Variants in TPH1 observed in about 807,000 individuals in gnomAD.
TPH1 encodes the protein tryptophan hydroxylase 1, also known as tryptophan 5-hydroxylase 1.
Under a neutral mutation model 49.5 loss-of-function variants are expected in TPH1, and 37 were observed. The observed-to-expected ratio is 0.75, with a 90% CI of 0.58 to 0.98. The LOEUF (loss-of-function observed/expected upper bound fraction) is 0.98. Among genes scored for constraint, TPH1 ranks in the 50% least tolerant of loss-of-function variants. The pLI is 0.00. For synonymous variants in TPH1, 160 were observed against 182.1 expected (o/e 0.88, Z 0.98); for missense variants, 487 against 523.6 (o/e 0.93, Z 0.68).
rs1239344304 is a variant in TPH1, at chr11:18,017,801, A to C, written c.*3190T>G. 6.6e-6 allele frequency: 1 copy of C among 152,232 alleles called. No individual in the cohort carries two copies. Among genetic ancestry groups the C allele is most frequent in the African/African-American group, 2.4e-5 (1 of 41,464 alleles). 9.4% of individuals were successfully genotyped at this position (152,232 alleles called of 1,614,324 possible). On this transcript the variant is annotated 3_prime_UTR_variant, in exon 11 of 11. Coordinates refer to ENST00000682019, the MANE Select transcript of TPH1 (RefSeq NM_004179.3). The stretch of plus-strand genomic sequence containing the variant: ...ATTATTTACATTTTGGTGTGTCATT[A>C]CTACTTGTATAACTCCAAATGACAG...
In TPH1 at chr11:18,026,573, A is replaced by G; in HGVS notation, c.720T>C (p.Asp240=). 1 of 1,614,058 alleles carries G rather than the reference A, an allele frequency of 6.2e-7. No homozygotes were observed. The highest frequency in any genetic ancestry group is 8.5e-7 in the Non-Finnish European group (1 of 1,179,990). The change falls in exon 7 of 11, where the codon GAT becomes GAC. Residue 240 remains aspartate, a synonymous_variant. Transcript: ENST00000682019. ...RPVAGYLSPR[D]FLSGLAFRVF... ...CTCGAAAGGCTAAACCTGATAAGAAATCTCTTGGTGATAAGTAACCAGCCA... is the reference window on the plus strand; with the variant it reads ...CTCGAAAGGCTAAACCTGATAAGAAGTCTCTTGGTGATAAGTAACCAGCCA...
chr11:18,026,669 G>C, intron 6 of TPH1, 44 bp from the exon 7 acceptor site: 1 of 1,612,720 alleles, frequency 6.2e-7, no homozygotes, highest in Non-Finnish European at 8.5e-7. Flanking sequence ...TACCAGAATA[G>C]ACCCCTGACT....
intron 1 of TPH1, among the ~76,000 whole-genome samples, chr11:18,041,618 T>C (rs895298986): frequency 6.6e-5 from 10 of 152,252 alleles, no homozygotes; most frequent in African/African-American, 2.2e-4. Context: ...GAAACTAGGA[T>C]ATTTCAGGTA....
chr11:18,037,416 G>T (rs1403341401), intron 2 of TPH1, among the ~76,000 whole-genome samples: 1 of 151,730 alleles, frequency 6.6e-6, no homozygotes, highest in Non-Finnish European at 1.5e-5. Context: ...AGGAGTGAGT[G>T]ATAGAGGATG....
intron 6 of TPH1, among the ~76,000 whole-genome samples, chr11:18,027,696 G>A (rs568249728): frequency 4.6e-5 from 7 of 152,224 alleles, no homozygotes; most frequent in Non-Finnish European, 8.8e-5. Context: ...ATTACAAAGC[G>A]TTTCCTCCAA....
At chr11:18,034,441 G>A (rs1313081756) in intron 3 of TPH1, among the ~76,000 whole-genome samples, 2 of 152,130 alleles carry the variant, frequency 1.3e-5, no homozygotes, top group Non-Finnish European at 2.9e-5. Context: ...CATCAGCAGA[G>A]TCCTAGGCTT....
chr11:18,021,975 C>A (rs1031496789), intron 10 of TPH1, among the ~76,000 whole-genome samples: 2 of 152,160 alleles, frequency 1.3e-5, no homozygotes, highest in Non-Finnish European at 2.9e-5. Context: ...CTAGAGGAAT[C>A]CCTGCTAGTA....
chr11:18,028,506 A>G (rs1847951884), intron 6 of TPH1, among the ~76,000 whole-genome samples: 1 of 152,230 alleles, frequency 6.6e-6, no homozygotes, highest in Non-Finnish European at 1.5e-5. Context: ...TCGCACAGTA[A>G]TCCCTCTGTT....
At chr11:18,025,179 T>C (rs965126202) in intron 8 of TPH1, among the ~76,000 whole-genome samples, 1 of 152,220 alleles carries the variant, frequency 6.6e-6, no homozygotes, top group Non-Finnish European at 1.5e-5. Context: ...ATCCTTTTTA[T>C]TGGAAAATAA....
rs1219014139 is a variant in TPH1 at position 18,033,147 on chromosome 11, G to A, written c.402+127C>T. Reference sequence around the variant, plus strand: ...GGGCACCTGTGATCCCAGCTACTTGGGAGGCTAAGGCAGGAGAATCACTTG... The same window carrying A: ...GGGCACCTGTGATCCCAGCTACTTGAGAGGCTAAGGCAGGAGAATCACTTG... On this transcript the variant is annotated intron_variant, in intron 4 of 10. Transcript: ENST00000682019. The A allele has an allele frequency of 4.0e-6, 3 of 746,892 alleles. No homozygotes were observed. The East Asian group carries it at 8.1e-5, about 20-fold the overall frequency. The allele number at this position is 746,892 out of a possible 1,614,324, so 46.3% of individuals were successfully genotyped here.
rs773907235 is a variant in TPH1, at chr11:18,036,026, A to ATATCAT, written c.233_234insATGATA (p.His78delinsGlnTer). ...GAACATTGGTATGAGACTTCAGCAG[A>ATATCAT]TGAAAAATATCATTCAATTGTTCTC... On this transcript the variant is annotated stop_gained and protein_altering_variant, in exon 3 of 11. Transcript: ENST00000682019. LOFTEE classifies it high-confidence loss of function. 3.1e-6 allele frequency: 5 copies of ATATCAT among 1,612,902 alleles called. No homozygotes were observed. In the Admixed American group the frequency reaches 8.3e-5, roughly 27 times the overall value.
In TPH1 at chr11:18,019,876, A is replaced by T. The variant is rs1310276704; in HGVS notation, c.*1115T>A. ...TAAAAACCATTCCTTGGCAATCCTT[A>T]CATTACTTACAGTCTCAGTCCTAAA... On this transcript the variant is annotated 3_prime_UTR_variant, in exon 11 of 11. Transcript: ENST00000682019. The T allele has an allele frequency of 2.6e-6, 1 of 389,792 alleles. No individual in the cohort carries two copies. The highest frequency in any genetic ancestry group is 2.1e-5 in the African/African-American group (1 of 47,814). The allele number at this position is 389,792 out of a possible 1,614,324, so 24.1% of individuals were successfully genotyped here.
rs144186745 is a variant in TPH1, at chr11:18,025,980, C to T, written c.804-279G>A. 1.5e-4 allele frequency among the ~76,000 whole-genome samples: 23 copies of T among 152,106 alleles called. No individual in the cohort carries two copies. The East Asian group carries it at 4.2e-3, about 28-fold the overall frequency. On this transcript the variant is annotated intron_variant, in intron 7 of 10. Transcript: ENST00000682019. Reference sequence around the variant, plus strand: ...CACCCAACCCCACCACATACACACCCAAATCAGATCTCTGCTCAGATATCA... The same window carrying T: ...CACCCAACCCCACCACATACACACCTAAATCAGATCTCTGCTCAGATATCA...
At position 18,026,505 on chromosome 11, in the gene TPH1, A is replaced by C; in HGVS notation, c.788T>G (p.Phe263Cys). 1.2e-6 allele frequency: 2 copies of C among 1,613,908 alleles called. No homozygotes were observed. The highest frequency in any genetic ancestry group is 1.7e-6 in the Non-Finnish European group (2 of 1,179,940). The change falls in exon 7 of 11, where the codon TTC becomes TGC. Residue 263 changes from phenylalanine to cysteine, a missense_variant. Coordinates refer to ENST00000682019, the MANE Select transcript of TPH1 (RefSeq NM_004179.3). ...TQYVRHSSDP[F>C]YTPEPDTCHE... ...AAGTACTTACGGCTCTGGGGTATAG[A>C]AGGGATCTGAACTGTGTCTCACATA... is the stretch of plus-strand genomic sequence containing the variant.
In TPH1 at chr11:18,019,736, T is replaced by C; in HGVS notation, c.*1255A>G. The C allele has an allele frequency of 2.2e-6, 1 of 459,642 alleles. No individual in the cohort carries two copies. The highest frequency in any genetic ancestry group is 1.5e-5 in the South Asian group (1 of 64,658). 28.5% of individuals were successfully genotyped at this position (459,642 alleles called of 1,614,324 possible). A position where few individuals can be genotyped will look rare whatever the true frequency, so the allele number is the denominator to read the frequency against. The stretch of plus-strand genomic sequence containing the variant: ...AAACTTGAAGAACATCTTCATTTAG[T>C]GACTAGAGGGAGGAAAGGGGCAAAT... On this transcript the variant is annotated 3_prime_UTR_variant, in exon 11 of 11. Transcript: ENST00000682019.
intron 4 of TPH1, among the ~76,000 whole-genome samples, chr11:18,030,701 T>G (rs11606304): frequency 0.052 from 7,961 of 152,192 alleles, 293 homozygotes; most frequent in Non-Finnish European, 0.077. Flanking sequence ...GACGATTGTG[T>G]GGTTCAGGGA....
intron 6 of TPH1, 82 bp downstream of exon 6, chr11:18,029,081 CAA>C (rs368358256): frequency 0.043 from 22,591 of 519,664 alleles, no homozygotes; most frequent in Non-Finnish European, 0.047. Flanking sequence ...GACTCTGTCT[CAA>C]AAAAAAAAAA....
chr11:18,021,466 G>C (rs1031869614), intron 10 of TPH1, among the ~76,000 whole-genome samples: 1 of 152,166 alleles, frequency 6.6e-6, no homozygotes, highest in African/African-American at 2.4e-5. Flanking sequence ...ATTTATTACT[G>C]TATACATCTC....
Position 18,020,127 on chromosome 11 carries a change from C to G in TPH1, c.*864G>C, listed in dbSNP as rs542131343. 1.2e-4 allele frequency: 24 copies of G among 194,988 alleles called. No homozygotes were observed. The highest frequency in any genetic ancestry group is 2.4e-4 in the Non-Finnish European group (23 of 95,128). The allele number at this position is 194,988 out of a possible 1,614,324, so 12.1% of individuals were successfully genotyped here. On this transcript the variant is annotated 3_prime_UTR_variant, in exon 11 of 11. Transcript: ENST00000682019. ...TCTGGGGACAATCCCATTATAATAC[C>G]TAGGACCACATGTCTGAGTACAGCC... is the stretch of plus-strand genomic sequence containing the variant.
Sources: allele counts gnomAD v4.1 joint callset (sites outside exome capture counted in the v4.1 genomes callset), GRCh38; gene constraint gnomAD v4.1.1; transcripts MANE v1.5; gene names NCBI Gene and HGNC (gene_info 2026-07-23, HGNC 2026-07-21).